The following CNTN4 variants were observed in gnomAD, a reference collection of about 807,000 sequenced individuals.
The protein encoded by CNTN4 is contactin 4, also known as contactin-4.
A neutral mutation model predicts 122.5 loss-of-function variants in CNTN4; 77 were observed. The observed-to-expected ratio is 0.63, with a 90% CI of 0.52 to 0.76. The LOEUF (loss-of-function observed/expected upper bound fraction) is 0.76, where lower values mean the gene tolerates loss of function less well. Ranked by LOEUF, CNTN4 falls within the 30% of genes least tolerant of loss-of-function variation. The probability of loss-of-function intolerance (pLI) is 0.00; values close to 1 mark genes in which losing one functional copy is unlikely to be tolerated. For synonymous variants in CNTN4, 512 were observed against 447.0 expected (o/e 1.15, Z -1.83); for missense variants, 1,256 against 1,259.1 (o/e 1.00, Z 0.04).
intron 3 of CNTN4, among the ~76,000 whole-genome samples, chr3:2,462,499 T>C (rs530010757): frequency 3.3e-5 from 5 of 152,320 alleles, no homozygotes; most frequent in African/African-American, 9.6e-5. Flanking sequence ...CACATTGTTA[T>C]TCAAAAACAT....
In CNTN4 at chr3:2,339,229, A is replaced by G. The variant is rs1405596246; in HGVS notation, c.-93A>G. The G allele has an allele frequency of 6.6e-6, 1 of 152,136 alleles. No homozygotes were observed. Among genetic ancestry groups the G allele is most frequent in the South Asian group, 2.1e-4 (1 of 4,828 alleles). The allele number at this position is 152,136 out of a possible 1,614,324, so 9.4% of individuals were successfully genotyped here. ...AGCATGTGTCTTCAAGAGCTTCCCT[A>G]AAAGGTAAGCTTCCCACAAGGGAAG... On this transcript the variant is annotated 5_prime_UTR_variant, in exon 3 of 25. It removes the in-frame stop codon of an upstream open reading frame in the 5' UTR. Transcript: ENST00000418658.
At chr3:2,108,859 G>A (rs749203241) in intron 2 of CNTN4, among the ~76,000 whole-genome samples, 8 of 152,174 alleles carry the variant, frequency 5.3e-5, no homozygotes, top group Non-Finnish European at 2.9e-5. Context: ...ATCCTAGTAA[G>A]CATCCAGTAC....
rs74802504 is a variant in CNTN4 at position 2,709,004 on chromosome 3, G to A, written c.56-27211G>A. ...CCATGTACGTATTTTAATGGGCGTT[G>A]CTACTTGGATCTTCAGAATACATGA... On this transcript the variant is annotated intron_variant, in intron 4 of 24. Transcript: ENST00000418658. This position sits in a 1 kb window ranked among gnomAD's most constrained non-coding sequence, Gnocchi z 5.0. Among the ~76,000 whole-genome samples the A allele has an allele frequency of 0.029, 4,468 of 152,190 alleles. 247 individuals carry two copies. Among genetic ancestry groups the A allele is most frequent in the African/African-American group, 0.1 (4,168 of 41,504 alleles).
chr3:2,653,249 A>T (rs1025561795), intron 4 of CNTN4, among the ~76,000 whole-genome samples: 1 of 152,178 alleles, frequency 6.6e-6, no homozygotes, highest in East Asian at 1.9e-4. Context: ...ATTAAGTTAT[A>T]TTACATTTCA....
intron 12 of CNTN4, among the ~76,000 whole-genome samples, chr3:2,924,382 A>C (rs938480118): frequency 1.3e-5 from 2 of 152,002 alleles, no homozygotes; most frequent in Non-Finnish European, 2.9e-5. Context: ...TTATATTTCA[A>C]TTTTACATTC....
chr3:2,131,596 A>G (rs1460554125), intron 2 of CNTN4, among the ~76,000 whole-genome samples: 9 of 152,182 alleles, frequency 5.9e-5, no homozygotes, highest in Admixed American at 3.3e-4. Context: ...CCTAAAGGAA[A>G]ATTGATTGCT....
intron 2 of CNTN4, among the ~76,000 whole-genome samples, chr3:2,321,979 A>C (rs1379191451): frequency 6.6e-6 from 1 of 152,196 alleles, no homozygotes; most frequent in South Asian, 2.1e-4. Flanking sequence ...AAACAGAGGA[A>C]AGAACATTAC....
intron 2 of CNTN4, among the ~76,000 whole-genome samples, chr3:2,329,496 T>C (rs1455090835): frequency 2.0e-5 from 3 of 151,954 alleles, no homozygotes; most frequent in Admixed American, 2.0e-4. Context: ...TTTAGACATA[T>C]TCCTTTTCAA....
At chr3:2,636,282 C>G (rs2082654460) in intron 4 of CNTN4, among the ~76,000 whole-genome samples, 1 of 152,200 alleles carries the variant, frequency 6.6e-6, no homozygotes, top group Admixed American at 6.5e-5. Context: ...TTTACGTCAT[C>G]AGGCATCAGA....
At chr3:2,497,704 G>A (rs2076489475) in intron 3 of CNTN4, among the ~76,000 whole-genome samples, 1 of 152,086 alleles carries the variant, frequency 6.6e-6, no homozygotes, top group African/African-American at 2.4e-5. Context: ...CTACCCGATT[G>A]AATACTAAAG....
chr3:2,405,108 T>C (rs975163038), intron 3 of CNTN4, among the ~76,000 whole-genome samples: 12 of 152,232 alleles, frequency 7.9e-5, no homozygotes, highest in Non-Finnish European at 1.6e-4. Flanking sequence ...ATTGACTTGT[T>C]CTTTCCATAT....
At chr3:2,309,999 T>G (rs2042856608) in intron 2 of CNTN4, among the ~76,000 whole-genome samples, 1 of 152,168 alleles carries the variant, frequency 6.6e-6, no homozygotes. Context: ...CTGGTGATGT[T>G]TATGTCCCTA....
chr3:2,274,555 C>T (rs1257072950), intron 2 of CNTN4, among the ~76,000 whole-genome samples: 2 of 152,094 alleles, frequency 1.3e-5, no homozygotes, highest in African/African-American at 4.8e-5. Flanking sequence ...TACTTTTCTC[C>T]CTCATAGACA....
chr3:2,681,668 TTGTG>T (rs1399253490), intron 4 of CNTN4, among the ~76,000 whole-genome samples: 1 of 152,096 alleles, frequency 6.6e-6, no homozygotes, highest in Non-Finnish European at 1.5e-5. Context: ...CTGTATATAT[TTGTG>T]TGTGTGTTTG....
intron 3 of CNTN4, among the ~76,000 whole-genome samples, chr3:2,521,357 C>CCCG (rs10663515): frequency 6.8e-6 from 1 of 147,708 alleles, no homozygotes; most frequent in African/African-American, 2.5e-5. Context: ...CCCCACCCCC[C>CCCG]GCAATAAGTC....
intron 8 of CNTN4, among the ~76,000 whole-genome samples, chr3:2,881,531 A>G (rs1235126891): frequency 4.7e-5 from 7 of 149,096 alleles, no homozygotes; most frequent in Admixed American, 4.7e-4. Flanking sequence ...AAAAAAAAAA[A>G]CAGGCAAGGG....
At chr3:2,175,954 G>T (rs1163791871) in intron 2 of CNTN4, among the ~76,000 whole-genome samples, 1 of 152,172 alleles carries the variant, frequency 6.6e-6, no homozygotes, top group African/African-American at 2.4e-5. Context: ...TCATCTTTAA[G>T]TTAAATCTCA....
chr3:2,122,646 T>C (rs2033876715), intron 2 of CNTN4, among the ~76,000 whole-genome samples: 1 of 152,244 alleles, frequency 6.6e-6, no homozygotes, highest in African/African-American at 2.4e-5. Flanking sequence ...TCAAAAATAC[T>C]GTATTGTACA....
chr3:3,019,195 G>GA (rs762952098), intron 14 of CNTN4, among the ~76,000 whole-genome samples: 10 of 152,206 alleles, frequency 6.6e-5, no homozygotes, highest in Non-Finnish European at 1.2e-4. Context: ...ATTCAGGAAG[G>GA]AGTCTTTAAT....
Sources: gnomAD v4.1 joint callset for allele counts (sites outside exome capture counted in the v4.1 genomes callset) on GRCh38, gnomAD v4.1.1 for gene constraint, Gnocchi (gnomAD v3.1) non-coding constraint, MANE v1.5 for transcripts, NCBI Gene and HGNC (gene_info 2026-07-23, HGNC 2026-07-21) for gene names.